GMDS: variants seen among roughly 807,000 people sequenced by gnomAD.
GMDS encodes the protein GDP-mannose 4,6-dehydratase, also known as GDP-mannose 4,6 dehydratase.
A neutral mutation model predicts 49.9 loss-of-function variants in GMDS; 20 were observed. The observed-to-expected ratio is 0.40, with a 90% CI of 0.28 to 0.58. The LOEUF is 0.58. Ranked by LOEUF, GMDS falls within the 20% of genes least tolerant of loss-of-function variation. The pLI, the probability that GMDS is intolerant of heterozygous loss-of-function variation, is 0.42. For synonymous variants in GMDS, 177 were observed against 178.6 expected (o/e 0.99, Z 0.07); for missense variants, 362 against 481.4 (o/e 0.75, Z 2.32).
intron 2 of GMDS, among the ~76,000 whole-genome samples, chr6:2,123,260 C>T (rs1350194806): frequency 6.6e-6 from 1 of 152,246 alleles, no homozygotes; most frequent in Non-Finnish European, 1.5e-5. Flanking sequence ...GGACTAGACA[C>T]AGATGCTGCC....
At chr6:2,173,921 C>T (rs1256111262) in intron 1 of GMDS, among the ~76,000 whole-genome samples, 1 of 152,132 alleles carries the variant, frequency 6.6e-6, no homozygotes, top group Non-Finnish European at 1.5e-5. Context: ...GTTAGCATCG[C>T]CAATTTACTT....
At chr6:1,733,313 A>G (rs1265349104) in intron 8 of GMDS, among the ~76,000 whole-genome samples, 2 of 152,234 alleles carry the variant, frequency 1.3e-5, no homozygotes, top group African/African-American at 4.8e-5. Context: ...GGCAGATGTC[A>G]GGAGGATGCA....
chr6:2,161,199 C>T (rs1423240833), intron 1 of GMDS, among the ~76,000 whole-genome samples: 4 of 151,834 alleles, frequency 2.6e-5, no homozygotes, highest in East Asian at 2.0e-4. Flanking sequence ...TTAGTAGAGA[C>T]GGGATTTCAC....
chr6:1,825,168 G>A (rs1256308448), intron 7 of GMDS, among the ~76,000 whole-genome samples: 1 of 152,180 alleles, frequency 6.6e-6, no homozygotes, highest in African/African-American at 2.4e-5. Flanking sequence ...AATGCCTAGT[G>A]GGTATTTACA....
chr6:1,793,246 T>A (rs1769610373), intron 7 of GMDS, among the ~76,000 whole-genome samples: 1 of 152,220 alleles, frequency 6.6e-6, no homozygotes, highest in Non-Finnish European at 1.5e-5. Flanking sequence ...CATGATAAAA[T>A]GACTATGCAT....
At chr6:1,903,998 T>C (rs1760630206) in intron 7 of GMDS, among the ~76,000 whole-genome samples, 1 of 152,302 alleles carries the variant, frequency 6.6e-6, no homozygotes, top group East Asian at 1.9e-4. Context: ...TCTTGATTTA[T>C]TGCGACTGAG....
rs1766565342 is a variant in GMDS, at chr6:1,999,924, T to TA, written c.346-38959_346-38958insT. Among the ~76,000 whole-genome samples, 4 of 87,346 alleles carry TA rather than the reference T, an allele frequency of 4.6e-5. No homozygotes were observed. The South Asian group carries it at 1.0e-3, about 22-fold the overall frequency. The allele number at this position is 87,346 out of a possible 152,430, so 57.3% of individuals were successfully genotyped here. ...ATATAATATATATATTATATACATA[T>TA]TATATATTATTATATATAATATATA... On this transcript the variant is annotated intron_variant, in intron 4 of 10. Coordinates refer to ENST00000380815, the MANE Select transcript of GMDS (RefSeq NM_001500.4).
chr6:2,215,347 C>T (rs943649644), intron 1 of GMDS, among the ~76,000 whole-genome samples: 4 of 152,164 alleles, frequency 2.6e-5, no homozygotes, highest in African/African-American at 9.7e-5. Flanking sequence ...AATGAACTCA[C>T]AGTTCCACAT....
intron 4 of GMDS, among the ~76,000 whole-genome samples, chr6:1,996,279 C>T (rs1766275477): frequency 6.6e-6 from 1 of 152,096 alleles, no homozygotes. Context: ...TTACAGTGTC[C>T]AGCTGCTGGG....
intron 1 of GMDS, among the ~76,000 whole-genome samples, chr6:2,229,745 C>T (rs1474085064): frequency 6.6e-6 from 1 of 152,090 alleles, no homozygotes; most frequent in Non-Finnish European, 1.5e-5. Flanking sequence ...AAAATATTTG[C>T]CTATTAACAC....
chr6:1,667,309 TC>T (rs1266466658), intron 9 of GMDS, among the ~76,000 whole-genome samples: 1 of 152,212 alleles, frequency 6.6e-6, no homozygotes, highest in African/African-American at 2.4e-5. Context: ...CAAAATGCAG[TC>T]ACGCTCAAGC....
intron 4 of GMDS, among the ~76,000 whole-genome samples, chr6:2,054,489 C>T (rs1754059006): frequency 1.3e-5 from 2 of 151,968 alleles, no homozygotes; most frequent in Admixed American, 6.6e-5. Flanking sequence ...AATAGAAAAC[C>T]CATTGTCTTA....
rs538256779 is a variant in GMDS, at chr6:1,905,667, C to T, written c.771+24436G>A. ...GCCAGCACATAGCTGTGGGTGCTGG[C>T]GTGTAGGTGGGGCCTCAAAGGTACC... On this transcript the variant is annotated intron_variant, in intron 7 of 10. Transcript: ENST00000380815. Among the ~76,000 whole-genome samples the T allele has an allele frequency of 6.1e-4, 57 of 93,580 alleles. No individual in the cohort carries two copies. The South Asian group carries it at 0.015, about 24-fold the overall frequency. The allele number at this position is 93,580 out of a possible 152,430, so 61.4% of individuals were successfully genotyped here.
intron 7 of GMDS, among the ~76,000 whole-genome samples, chr6:1,826,395 G>T (rs1771113370): frequency 6.6e-6 from 1 of 152,188 alleles, no homozygotes; most frequent in Non-Finnish European, 1.5e-5. Flanking sequence ...GAGAGCATAT[G>T]AGATCCAAAT....
intron 1 of GMDS, among the ~76,000 whole-genome samples, chr6:2,160,318 G>C (rs1777331432): frequency 6.6e-6 from 1 of 152,122 alleles, no homozygotes; most frequent in East Asian, 1.9e-4. Flanking sequence ...TCCAGGCCTT[G>C]CACTAAATAT....
At chr6:2,229,189 G>A (rs1581830004) in intron 1 of GMDS, among the ~76,000 whole-genome samples, 2 of 152,140 alleles carry the variant, frequency 1.3e-5, no homozygotes, top group African/African-American at 4.8e-5. Flanking sequence ...GATCCTCCAG[G>A]ATAACAATGT....
At chr6:1,994,060 G>A (rs967151358) in intron 4 of GMDS, among the ~76,000 whole-genome samples, 1 of 152,204 alleles carries the variant, frequency 6.6e-6, no homozygotes, top group Non-Finnish European at 1.5e-5. Flanking sequence ...TTACAAGGAA[G>A]CCTGCAAAGG....
intron 7 of GMDS, among the ~76,000 whole-genome samples, chr6:1,819,729 C>A (rs1181986280): frequency 6.9e-6 from 1 of 144,942 alleles, no homozygotes; most frequent in African/African-American, 2.6e-5. Flanking sequence ...CCACTGCACT[C>A]CAGCCTAGGC....
At chr6:2,212,582 G>A (rs1318106776) in intron 1 of GMDS, among the ~76,000 whole-genome samples, 1 of 151,740 alleles carries the variant, frequency 6.6e-6, no homozygotes, top group Non-Finnish European at 1.5e-5. Context: ...GTTTTGCAAG[G>A]GAATAAAAAC....
Sources: gnomAD v4.1 joint callset for allele counts (sites outside exome capture counted in the v4.1 genomes callset) on GRCh38, gnomAD v4.1.1 for gene constraint, MANE v1.5 for transcripts, NCBI Gene and HGNC (gene_info 2026-07-23, HGNC 2026-07-21) for gene names.